SSRP1: variants seen among roughly 807,000 people sequenced by gnomAD.
SSRP1 encodes the protein FACT complex subunit SSRP1.
Under a neutral mutation model 84.4 loss-of-function variants are expected in SSRP1, and 21 were observed. That is an observed-to-expected ratio of 0.25 (90% confidence interval 0.18 to 0.36). SSRP1 has a LOEUF of 0.36. SSRP1 is among the 10% of genes least tolerant of loss of function. The probability of loss-of-function intolerance (pLI) is 1.00; values close to 1 mark genes in which losing one functional copy is unlikely to be tolerated. For missense variants in SSRP1, 519 were observed against 900.8 expected, an observed-to-expected ratio of 0.58 and a Z score of 5.43; for synonymous variants, 319 against 318.3, an observed-to-expected ratio of 1.00 and a Z score of -0.02.
rs750574395 is a variant in SSRP1, at chr11:57,326,699, G to A, written c.2058+4C>T. The A allele has an allele frequency of 7.4e-6, 12 of 1,611,866 alleles. No homozygotes were observed. Among genetic ancestry groups the A allele is most frequent in the African/African-American group, 2.7e-5 (2 of 74,764 alleles). ...AGCCCACAGGCCCCACATTCCTGCC[G>A]CACCTCGCTCCTCCTCCTCTTCTTT... On this transcript the variant is annotated splice_donor_region_variant and intron_variant, in intron 16 of 16. Transcript: ENST00000278412.
chr11:57,335,399 A>C lies in SSRP1; in HGVS notation c.-119-159T>G. On this transcript the variant is annotated intron_variant, in intron 1 of 16. Transcript: ENST00000278412. The surrounding 1 kb of genome is among the most constrained non-coding windows in gnomAD (Gnocchi z 4.6). ...CTGCAGTGCCCGAGGGTCCAGGTCC[A>C]GGCCTGGGTGGAGAACCGGGCCCGG... The C allele has an allele frequency of 2.5e-6, 1 of 405,264 alleles. No individual in the cohort carries two copies. The highest frequency in any genetic ancestry group is 4.7e-6 in the Non-Finnish European group (1 of 213,160). 25.1% of individuals were successfully genotyped at this position (405,264 alleles called of 1,614,324 possible).
chr11:57,334,746 G>A, intron 2 of SSRP1, 98 bp from the exon 3 acceptor site: 1 of 1,422,148 alleles, frequency 7.0e-7, no homozygotes. Flanking sequence ...AAGTGGACTG[G>A]CCAGATTATC....
Position 57,326,195 on chromosome 11 carries a change from ATCTC to A in SSRP1, c.*208_*211del. ...CCTGCATTGCCCTGCCTCCCACCCT[ATCTC>A]TCCCCAAATTATAAACAGCCATCCT... On this transcript the variant is annotated 3_prime_UTR_variant, in exon 17 of 17. Coordinates refer to ENST00000278412, the MANE Select transcript of SSRP1 (RefSeq NM_003146.3). 1.7e-6 allele frequency: 1 copy of A among 599,580 alleles called. No individual in the cohort carries two copies. The highest frequency in any genetic ancestry group is 3.0e-6 in the Non-Finnish European group (1 of 337,224). The allele number at this position is 599,580 out of a possible 1,614,324, so 37.1% of individuals were successfully genotyped here.
At chr11:57,331,038 G>T in intron 9 of SSRP1, 111 bp from the exon 10 acceptor site, 1 of 1,242,346 alleles carries the variant, frequency 8.0e-7, no homozygotes, top group Non-Finnish European at 1.2e-6. Flanking sequence ...TGGAGCTCTT[G>T]ACTATGCTAC....
intron 4 of SSRP1, 113 bp from the exon 5 acceptor site, chr11:57,333,262 A>T: frequency 7.8e-7 from 1 of 1,277,148 alleles, no homozygotes; most frequent in Non-Finnish European, 1.1e-6. Context: ...GTCTGTTTAG[A>T]CTATAACCCC....
intron 4 of SSRP1, 78 bp from the exon 5 acceptor site, chr11:57,333,227 CCA>C (rs1245488032): frequency 6.8e-7 from 1 of 1,477,256 alleles, no homozygotes; most frequent in East Asian, 2.3e-5. Flanking sequence ...AAACTGAGTT[CCA>C]CAGAGACAGG....
In SSRP1 at chr11:57,330,523, G is replaced by A; in HGVS notation, c.1297-94C>T. 2 of 1,548,298 alleles carry A rather than the reference G, an allele frequency of 1.3e-6. No individual in the cohort carries two copies. The highest frequency in any genetic ancestry group is 1.4e-5 in the African/African-American group (1 of 73,660). The stretch of plus-strand genomic sequence containing the variant: ...ACACCCCCATGCCTGTCAAGTCAGA[G>A]CAGCAGCTCCCAGAAGACCTGGGGC... On this transcript the variant is annotated intron_variant, in intron 10 of 16. Transcript: ENST00000278412. This position sits in a 1 kb window ranked among gnomAD's most constrained non-coding sequence, Gnocchi z 4.0.
Position 57,332,003 on chromosome 11 carries a change from T to C in SSRP1, c.1002-114A>G. 4 of 1,500,864 alleles carry C rather than the reference T, an allele frequency of 2.7e-6. No homozygotes were observed. Among genetic ancestry groups the C allele is most frequent in the Non-Finnish European group, 3.6e-6 (4 of 1,098,306 alleles). 93.0% of individuals were successfully genotyped at this position (1,500,864 alleles called of 1,614,324 possible). ...CTCGACTAAGTAAACCTCACTGAGC[T>C]GTTCTGACAGAGGCGCTGGCACCTA... is the stretch of plus-strand genomic sequence containing the variant. On this transcript the variant is annotated intron_variant, in intron 8 of 16. Coordinates refer to ENST00000278412, the MANE Select transcript of SSRP1 (RefSeq NM_003146.3). This position sits in a 1 kb window ranked among gnomAD's most constrained non-coding sequence, Gnocchi z 5.5.
At position 57,332,124 on chromosome 11, in the gene SSRP1, G is replaced by C; in HGVS notation, c.1001+28C>G. Reference sequence around the variant, plus strand: ...ACACGGCATTTCCCATACCCAGGCAGGGCAGGATCCCAGGCCCACACTCTC... The same window carrying C: ...ACACGGCATTTCCCATACCCAGGCACGGCAGGATCCCAGGCCCACACTCTC... On this transcript the variant is annotated intron_variant, in intron 8 of 16. Coordinates refer to ENST00000278412, the MANE Select transcript of SSRP1 (RefSeq NM_003146.3). This position sits in a 1 kb window ranked among gnomAD's most constrained non-coding sequence, Gnocchi z 5.5. 4 of 1,612,788 alleles carry C rather than the reference G, an allele frequency of 2.5e-6. No homozygotes were observed. The highest frequency in any genetic ancestry group is 3.4e-6 in the Non-Finnish European group (4 of 1,179,928).
At position 57,330,984 on chromosome 11, in the gene SSRP1, T is replaced by C; in HGVS notation, c.1224-57A>G. The C allele has an allele frequency of 6.3e-7, 1 of 1,575,354 alleles. No individual in the cohort carries two copies. On this transcript the variant is annotated intron_variant, in intron 9 of 16. Transcript: ENST00000278412. This position sits in a 1 kb window ranked among gnomAD's most constrained non-coding sequence, Gnocchi z 4.0. ...AGGTAGTGCCAACACAGGGGCACAC[T>C]AAACAATGTTCTGATTCCATGAGCT...
At position 57,330,385 on chromosome 11, in the gene SSRP1, G is replaced by A. The variant is rs758378381; in HGVS notation, c.1341C>T (p.Asp447=). 7 of 1,614,000 alleles carry A rather than the reference G, an allele frequency of 4.3e-6. No homozygotes were observed. The African/African-American group carries it at 8.0e-5, about 18-fold the overall frequency. The change falls in exon 11 of 17, where the codon GAC becomes GAT. Residue 447 remains aspartate, a synonymous_variant. Transcript: ENST00000278412. The surrounding 1 kb of genome is among the most constrained non-coding windows in gnomAD (Gnocchi z 4.0). ...SYDEYADSDE[D]QHDAYLERMK... is the part of the protein sequence containing the mutation. ...TCCTCTCCAAGTAGGCATCATGCTG[G>A]TCCTCATCAGAGTCAGCATATTCAT...
rs1276043493 is a variant in SSRP1, at chr11:57,334,443, A to G, written c.240+20T>C. The G allele has an allele frequency of 6.2e-7, 1 of 1,611,890 alleles. No individual in the cohort carries two copies. Among genetic ancestry groups the G allele is most frequent in the South Asian group, 1.1e-5 (1 of 90,978 alleles). On this transcript the variant is annotated intron_variant, in intron 3 of 16. Coordinates refer to ENST00000278412, the MANE Select transcript of SSRP1 (RefSeq NM_003146.3). ...AGAAGATGCAGTAAAAAGGAGGCTT[A>G]TAGCCATGGGACATCTCACCGATTC...
In SSRP1 at chr11:57,332,031, G is replaced by A; in HGVS notation, c.1001+121C>T. 3 of 1,549,774 alleles carry A rather than the reference G, an allele frequency of 1.9e-6. No homozygotes were observed. The highest frequency in any genetic ancestry group is 2.6e-6 in the Non-Finnish European group (3 of 1,140,358). ...TCTGACAGAGGCGCTGGCACCTATT[G>A]TGACACAAGGTCCCATCCAGGCCTC... On this transcript the variant is annotated intron_variant, in intron 8 of 16. Coordinates refer to ENST00000278412, the MANE Select transcript of SSRP1 (RefSeq NM_003146.3). This position sits in a 1 kb window ranked among gnomAD's most constrained non-coding sequence, Gnocchi z 5.5.
At chr11:57,333,387 C>G in intron 4 of SSRP1, 48 bp downstream of exon 4, 2 of 1,491,272 alleles carry the variant, frequency 1.3e-6, no homozygotes, top group Non-Finnish European at 1.9e-6. Context: ...AGGCTGAAAC[C>G]CTTCACCCTA....
intron 9 of SSRP1, among the ~76,000 whole-genome samples, chr11:57,331,156 A>G (rs1216957182): frequency 2.0e-5 from 3 of 152,234 alleles, no homozygotes; most frequent in Non-Finnish European, 4.4e-5. Context: ...GGGAAAGGAA[A>G]GGCAGGGAGG....
At chr11:57,328,580 T>C in intron 12 of SSRP1, 154 bp from the exon 13 acceptor site, 1 of 1,075,454 alleles carries the variant, frequency 9.3e-7, no homozygotes, top group Non-Finnish European at 1.3e-6. Flanking sequence ...CAACACTGCT[T>C]TCTCCCATTC....
intron 15 of SSRP1, chr11:57,327,109 C>A: frequency 1.2e-6 from 1 of 840,768 alleles, no homozygotes; most frequent in South Asian, 2.0e-5. Context: ...ATGTGCAAAA[C>A]CTACTTGATA....
Position 57,326,057 on chromosome 11 carries a change from GC to G in SSRP1, c.*349del, listed in dbSNP as rs1388314101. ...AAATACAAAATGAAAGTAGAAATAG[GC>G]CCCAGGTAGGAGCTACAGGCCTGGC... On this transcript the variant is annotated 3_prime_UTR_variant, in exon 17 of 17. Transcript: ENST00000278412. The G allele has an allele frequency of 7.1e-6, 2 of 282,008 alleles. No homozygotes were observed. The highest frequency in any genetic ancestry group is 4.7e-5 in the Admixed American group (1 of 21,260). 17.5% of individuals were successfully genotyped at this position (282,008 alleles called of 1,614,324 possible). A position where few individuals can be genotyped will look rare whatever the true frequency, so the allele number is the denominator to read the frequency against.
chr11:57,331,010 G>C, intron 9 of SSRP1, 83 bp from the exon 10 acceptor site: 4 of 1,489,584 alleles, frequency 2.7e-6, no homozygotes, highest in Non-Finnish European at 3.7e-6. Flanking sequence ...TCCATGAGCT[G>C]GGGTAGACTG....
Sources: gnomAD v4.1 joint callset for allele counts (sites outside exome capture counted in the v4.1 genomes callset) on GRCh38, gnomAD v4.1.1 for gene constraint, Gnocchi (gnomAD v3.1) non-coding constraint, MANE v1.5 for transcripts, NCBI Gene and HGNC (gene_info 2026-07-23, HGNC 2026-07-21) for gene names.